Variants in KCTD8 observed in about 807,000 individuals in gnomAD.
KCTD8 encodes the protein potassium channel tetramerization domain containing 8.
A neutral mutation model predicts 31.5 loss-of-function variants in KCTD8; 27 were observed. The ratio of observed to expected loss-of-function variants is 0.86; its 90% CI spans 0.63 to 1.18. The LOEUF (loss-of-function observed/expected upper bound fraction) is 1.18, where lower values mean the gene tolerates loss of function less well. KCTD8 is among the 50% of genes most tolerant of loss of function. The probability of loss-of-function intolerance (pLI) is 0.00; values close to 1 mark genes in which losing one functional copy is unlikely to be tolerated. For synonymous variants in KCTD8, 290 were observed against 280.0 expected (o/e 1.04, Z -0.36); for missense variants, 658 against 647.7 (o/e 1.02, Z -0.17).
chr4:44,176,088 A>G (rs1713205963), intron 1 of KCTD8, among the ~76,000 whole-genome samples: 1 of 152,182 alleles, frequency 6.6e-6, no homozygotes, highest in Admixed American at 6.6e-5. Context: ...AACATTTATT[A>G]AACACTACCA....
At chr4:44,187,585 CCTT>C (rs779221012) in intron 1 of KCTD8, among the ~76,000 whole-genome samples, 16 of 152,302 alleles carry the variant, frequency 1.1e-4, no homozygotes, top group Non-Finnish European at 1.9e-4. Flanking sequence ...CTTCTAATGA[CCTT>C]CTTTTTTACA....
At chr4:44,421,258 C>T (rs939541302) in intron 1 of KCTD8, among the ~76,000 whole-genome samples, 15 of 152,048 alleles carry the variant, frequency 9.9e-5, no homozygotes, top group African/African-American at 3.6e-4. Flanking sequence ...GAAAGAGACA[C>T]ATACATGAAA....
At chr4:44,424,402 T>C (rs1026373976) in intron 1 of KCTD8, among the ~76,000 whole-genome samples, 2 of 152,092 alleles carry the variant, frequency 1.3e-5, no homozygotes, top group African/African-American at 4.8e-5. Context: ...ATATACACAA[T>C]GTAAACAGCC....
chr4:44,215,228 C>A, intron 1 of KCTD8, among the ~76,000 whole-genome samples: 1 of 152,092 alleles, frequency 6.6e-6, no homozygotes, highest in East Asian at 1.9e-4. Flanking sequence ...TAAAGTCTCT[C>A]TCTGTTGCAC....
At chr4:44,400,826 T>A (rs1405507899) in intron 1 of KCTD8, among the ~76,000 whole-genome samples, 1 of 151,628 alleles carries the variant, frequency 6.6e-6, no homozygotes, top group Non-Finnish European at 1.5e-5. Flanking sequence ...GTTCAATGAA[T>A]GAATTTCATA....
chr4:44,349,082 C>T lies in KCTD8; in HGVS notation c.961+98481G>A, dbSNP rs553246014. Among the ~76,000 whole-genome samples, 949 of 132,298 alleles carry T rather than the reference C, an allele frequency of 7.2e-3. 9 individuals are homozygous for T. Among genetic ancestry groups the T allele is most frequent in the Non-Finnish European group, 0.011 (683 of 60,322 alleles). 86.8% of individuals were successfully genotyped at this position (132,298 alleles called of 152,430 possible). ...CCATCGCTGCCACCGCCACCACCACCACCACCACCACCACTACCACCAATG... is the reference window on the plus strand; with the variant it reads ...CCATCGCTGCCACCGCCACCACCACTACCACCACCACCACTACCACCAATG... On this transcript the variant is annotated intron_variant, in intron 1 of 1. Transcript: ENST00000360029.
intron 1 of KCTD8, among the ~76,000 whole-genome samples, chr4:44,339,588 T>C (rs1718842667): frequency 6.6e-6 from 1 of 152,168 alleles, no homozygotes; most frequent in African/African-American, 2.4e-5. Context: ...TCTGTAATTA[T>C]AGTTGAAGGT....
At chr4:44,368,530 T>C (rs1719699927) in intron 1 of KCTD8, among the ~76,000 whole-genome samples, 3 of 152,200 alleles carry the variant, frequency 2.0e-5, no homozygotes, top group Admixed American at 1.3e-4. Flanking sequence ...TTTGAGTGTA[T>C]GAAGAACCCT....
At chr4:44,404,586 T>A (rs563910637) in intron 1 of KCTD8, among the ~76,000 whole-genome samples, 3 of 152,200 alleles carry the variant, frequency 2.0e-5, no homozygotes, top group Non-Finnish European at 4.4e-5. Flanking sequence ...TTGGGTATGA[T>A]AGAAGTTTTG....
At chr4:44,356,337 T>C (rs1719341483) in intron 1 of KCTD8, among the ~76,000 whole-genome samples, 1 of 152,208 alleles carries the variant, frequency 6.6e-6, no homozygotes, top group South Asian at 2.1e-4. Context: ...CATTTATTCT[T>C]TTGTGGCAAA....
intron 1 of KCTD8, among the ~76,000 whole-genome samples, chr4:44,201,388 C>T (rs1035184639): frequency 1.3e-5 from 2 of 152,052 alleles, no homozygotes; most frequent in Non-Finnish European, 2.9e-5. Context: ...GGAGGTATCA[C>T]ATTACCCATT....
chr4:44,365,670 G>T (rs571755078), intron 1 of KCTD8, among the ~76,000 whole-genome samples: 1 of 152,040 alleles, frequency 6.6e-6, no homozygotes, highest in Admixed American at 6.6e-5. Flanking sequence ...TCACCCAAAC[G>T]GATAAAGATT....
chr4:44,351,560 A>G (rs1719195799), intron 1 of KCTD8, among the ~76,000 whole-genome samples: 2 of 152,126 alleles, frequency 1.3e-5, no homozygotes. Context: ...AATGTCTACA[A>G]ATTTCAACAG....
At chr4:44,372,021 T>C (rs1223385425) in intron 1 of KCTD8, among the ~76,000 whole-genome samples, 1 of 152,206 alleles carries the variant, frequency 6.6e-6, no homozygotes, top group African/African-American at 2.4e-5. Flanking sequence ...TAAAATTAAA[T>C]TGGTGACAAT....
chr4:44,203,772 G>A (rs572305995), intron 1 of KCTD8, among the ~76,000 whole-genome samples: 3 of 151,810 alleles, frequency 2.0e-5, no homozygotes, highest in African/African-American at 4.8e-5. Flanking sequence ...AATTAACATG[G>A]AGAGTATTTA....
At chr4:44,429,174 G>C (rs542540172) in intron 1 of KCTD8, among the ~76,000 whole-genome samples, 1 of 151,772 alleles carries the variant, frequency 6.6e-6, no homozygotes, top group East Asian at 1.9e-4. Flanking sequence ...ATAAAATCAA[G>C]GACCCTAAAA....
chr4:44,196,890 C>T (rs1479447998), intron 1 of KCTD8, among the ~76,000 whole-genome samples: 2 of 152,192 alleles, frequency 1.3e-5, no homozygotes, highest in African/African-American at 4.8e-5. Context: ...GTATCTGCTG[C>T]CATAACACCA....
chr4:44,238,484 T>C (rs959933208), intron 1 of KCTD8, among the ~76,000 whole-genome samples: 5 of 152,026 alleles, frequency 3.3e-5, no homozygotes, highest in Admixed American at 2.0e-4. Context: ...TTTAGTGGAG[T>C]CTTAATGATT....
chr4:44,226,627 C>G (rs1406418338), intron 1 of KCTD8, among the ~76,000 whole-genome samples: 1 of 152,172 alleles, frequency 6.6e-6, no homozygotes, highest in Non-Finnish European at 1.5e-5. Context: ...CTGTTTTCCA[C>G]AATGGTTGAA....
Sources: gnomAD v4.1 joint callset for allele counts (sites outside exome capture counted in the v4.1 genomes callset) on GRCh38, gnomAD v4.1.1 for gene constraint, MANE v1.5 for transcripts, NCBI Gene and HGNC (gene_info 2026-07-23, HGNC 2026-07-21) for gene names.